The following HDHD2 variants were observed in gnomAD, a reference collection of about 807,000 sequenced individuals.
The protein encoded by HDHD2 is haloacid dehalogenase-like hydrolase domain-containing protein 2.
In HDHD2, 26 loss-of-function variants were observed where a neutral mutation model predicts 24.8. The observed-to-expected ratio is 1.05, with a 90% CI of 0.77 to 1.45. The LOEUF (loss-of-function observed/expected upper bound fraction) is 1.45. HDHD2 is among the 40% of genes most tolerant of loss of function. HDHD2 has a pLI of 0.00. For missense variants in HDHD2, 299 were observed against 313.4 expected, an observed-to-expected ratio of 0.95 and a Z score of 0.35; for synonymous variants, 128 against 114.9, an observed-to-expected ratio of 1.11 and a Z score of -0.73.
chr18:47,135,507 C>T lies in HDHD2; in HGVS notation c.102-803G>A, dbSNP rs977571672. On this transcript the variant is annotated intron_variant, in intron 2 of 6. Transcript: ENST00000300605. Reference sequence around the variant, plus strand: ...AACTCCCGACCTCAGGTGATCCACCCGCCTCGGCCTCCCAAAGTGCTGGGA... The same window carrying T: ...AACTCCCGACCTCAGGTGATCCACCTGCCTCGGCCTCCCAAAGTGCTGGGA... Among the ~76,000 whole-genome samples the T allele has an allele frequency of 3.9e-5, 6 of 152,062 alleles. No individual in the cohort carries two copies. The East Asian group carries it at 7.7e-4, about 20-fold the overall frequency.
intron 3 of HDHD2, among the ~76,000 whole-genome samples, chr18:47,130,769 T>C (rs909630034): frequency 6.6e-6 from 1 of 152,218 alleles, no homozygotes; most frequent in Non-Finnish European, 1.5e-5. Context: ...GAAATTAGAC[T>C]TTCTAATTGA....
At chr18:47,141,296 T>C (rs1029019993) in intron 1 of HDHD2, among the ~76,000 whole-genome samples, 2 of 152,206 alleles carry the variant, frequency 1.3e-5, no homozygotes, top group African/African-American at 2.4e-5. Context: ...GCAGTCCTGA[T>C]ATATTATCTT....
chr18:47,142,278 T>TAA (rs11431487), intron 1 of HDHD2, among the ~76,000 whole-genome samples: 13,959 of 148,868 alleles, frequency 0.094, 727 homozygotes, highest in East Asian at 0.14. Context: ...TTTCATTTCA[T>TAA]AAAAAAAAAA....
At chr18:47,118,499 C>G (rs1337207281) in intron 4 of HDHD2, among the ~76,000 whole-genome samples, 1 of 152,102 alleles carries the variant, frequency 6.6e-6, no homozygotes, top group Non-Finnish European at 1.5e-5. Flanking sequence ...CCAAACACTA[C>G]ATGTTCTCAC....
Position 47,120,058 on chromosome 18 carries a change from G to T in HDHD2, c.396-4710C>A, listed in dbSNP as rs556987244. Among the ~76,000 whole-genome samples, 3 of 152,316 alleles carry T rather than the reference G, an allele frequency of 2.0e-5. No homozygotes were observed. The South Asian group carries it at 6.2e-4, about 32-fold the overall frequency. On this transcript the variant is annotated intron_variant, in intron 4 of 6. Coordinates refer to ENST00000300605, the MANE Select transcript of HDHD2 (RefSeq NM_032124.5). Reference sequence around the variant, plus strand: ...CTGTAAACAGATGTGCTGCCATTCAGGCTTTGTTATTCCATTTATAGAGCA... The same window carrying T: ...CTGTAAACAGATGTGCTGCCATTCATGCTTTGTTATTCCATTTATAGAGCA...
chr18:47,128,307 TC>T (rs2063679809), intron 4 of HDHD2, among the ~76,000 whole-genome samples: 1 of 152,232 alleles, frequency 6.6e-6, no homozygotes, highest in Non-Finnish European at 1.5e-5. Context: ...AATATGTCCT[TC>T]CCAAATTGCC....
rs113654730 is a variant in HDHD2 at position 47,140,527 on chromosome 18, CTT to C, written c.-10-4080_-10-4079del. On this transcript the variant is annotated intron_variant, in intron 1 of 6. Transcript: ENST00000300605. ...TTATATCCTTTAACCATTCCAAACTCTTTTTTTTTGAGACAGGGCCTTGTTCT... is the reference window on the plus strand; with the variant it reads ...TTATATCCTTTAACCATTCCAAACTCTTTTTTTGAGACAGGGCCTTGTTCT... Among the ~76,000 whole-genome samples, 789 of 151,236 alleles carry C rather than the reference CTT, an allele frequency of 5.2e-3. 7 individuals are homozygous for C. The highest frequency in any genetic ancestry group is 0.018 in the African/African-American group (755 of 41,212).
chr18:47,124,858 T>C (rs116715334), intron 4 of HDHD2, among the ~76,000 whole-genome samples: 2,843 of 151,370 alleles, frequency 0.019, 86 homozygotes, highest in African/African-American at 0.064. Context: ...GCATTACTCA[T>C]CAGAGAAATA....
chr18:47,136,289 A>C, intron 2 of HDHD2, 50 bp downstream of exon 2: 4 of 1,608,214 alleles, frequency 2.5e-6, no homozygotes, highest in Non-Finnish European at 3.4e-6. Flanking sequence ...TGCCGTGGTA[A>C]AATGGCACTT....
rs118132635 is a variant in HDHD2 at position 47,132,678 on chromosome 18, A to C, written c.310+1818T>G. On this transcript the variant is annotated intron_variant, in intron 3 of 6. Transcript: ENST00000300605. ...AGTTTTGAGGTCTGCCCAACTCTAT[A>C]GCCATGCTGAACTTATAAACTCCAT... Among the ~76,000 whole-genome samples, 1,193 of 152,380 alleles carry C rather than the reference A, an allele frequency of 7.8e-3. 16 individuals are homozygous for C. The highest frequency in any genetic ancestry group is 0.054 in the Middle Eastern group (16 of 294).
chr18:47,138,998 G>A (rs548625535), intron 1 of HDHD2, among the ~76,000 whole-genome samples: 4 of 152,270 alleles, frequency 2.6e-5, no homozygotes, highest in Admixed American at 2.6e-4. Flanking sequence ...GGGGGCTTTT[G>A]GGGAGCTGAT....
intron 6 of HDHD2, chr18:47,111,432 A>C: frequency 3.0e-6 from 3 of 984,392 alleles, no homozygotes; most frequent in Non-Finnish European, 3.6e-6. Context: ...CAAGAGCAAA[A>C]ATAGTTATCT....
intron 4 of HDHD2, 138 bp from the exon 5 acceptor site, chr18:47,115,486 C>T: frequency 3.4e-6 from 2 of 587,142 alleles, no homozygotes; most frequent in Admixed American, 3.1e-5. Context: ...TAATGACTTG[C>T]TGTCTTCTAA....
chr18:47,117,980 T>C (rs1222610804), intron 4 of HDHD2, among the ~76,000 whole-genome samples: 1 of 151,786 alleles, frequency 6.6e-6, no homozygotes, highest in Admixed American at 6.6e-5. Flanking sequence ...ATAAAGCAAG[T>C]CACATAATTA....
At chr18:47,133,497 T>TTGTGTATATACCCAG (rs570277112) in intron 3 of HDHD2, among the ~76,000 whole-genome samples, 1 of 104,458 alleles carries the variant, frequency 9.6e-6, no homozygotes, top group African/African-American at 3.5e-5. Context: ...TTATAGTCCT[T>TTGTGTATATACCCAG]TAATGGGATG....
chr18:47,111,651 G>C, intron 6 of HDHD2: 4 of 985,360 alleles, frequency 4.1e-6, no homozygotes, highest in Non-Finnish European at 4.8e-6. Flanking sequence ...ATTCTAGAGT[G>C]ACTGGTGTTA....
chr18:47,146,929 T>C (rs1347176684), intron 1 of HDHD2, among the ~76,000 whole-genome samples: 9 of 152,234 alleles, frequency 5.9e-5, no homozygotes, highest in African/African-American at 1.9e-4. Flanking sequence ...GGCAATACTC[T>C]ACTTCTTAAC....
intron 1 of HDHD2, among the ~76,000 whole-genome samples, chr18:47,139,464 CAAAAAAAA>C (rs760347919): frequency 5.3e-4 from 27 of 50,474 alleles, no homozygotes; most frequent in African/African-American, 1.4e-3. Flanking sequence ...GACTCTGTCT[CAAAAAAAA>C]AAAAAAAAAA....
intron 4 of HDHD2, 68 bp downstream of exon 4, chr18:47,130,176 G>T: frequency 2.0e-6 from 2 of 984,374 alleles, no homozygotes; most frequent in South Asian, 3.0e-5. Flanking sequence ...ACCCATTCAT[G>T]ACAATGACAA....
Sources: allele counts gnomAD v4.1 joint callset (sites outside exome capture counted in the v4.1 genomes callset), GRCh38; gene constraint gnomAD v4.1.1; transcripts MANE v1.5; gene names NCBI Gene and HGNC (gene_info 2026-07-23, HGNC 2026-07-21).